Variants in PRELID2 observed in about 807,000 individuals in gnomAD.
PRELID2 encodes PRELI domain-containing protein 2.
Under a neutral mutation model 28.4 loss-of-function variants are expected in PRELID2, and 25 were observed. That is an observed-to-expected ratio of 0.88 (90% CI 0.64 to 1.23). The LOEUF (loss-of-function observed/expected upper bound fraction) is 1.23, where lower values mean the gene tolerates loss of function less well. Ranked by LOEUF, PRELID2 falls within the 50% of genes most tolerant of loss-of-function variation. The pLI is 0.00. For synonymous variants in PRELID2, 76 were observed against 71.6 expected (o/e 1.06, Z -0.31); for missense variants, 201 against 214.4 (o/e 0.94, Z 0.39).
chr5:145,328,823 T>C, the PRELID2 span, among the ~76,000 whole-genome samples: 6 of 152,216 alleles, frequency 3.9e-5, no homozygotes, highest in Admixed American at 1.3e-4. Flanking sequence ...CCATTGCTTT[T>C]AGTGTTTTAG....
the PRELID2 span, among the ~76,000 whole-genome samples, chr5:145,239,288 T>G: frequency 6.6e-6 from 1 of 152,008 alleles, no homozygotes; most frequent in African/African-American, 2.4e-5. Context: ...GGCAAAAGAA[T>G]GAGGAGTGGA....
At chr5:145,743,887 G>A (rs1187310588) in intron 1 of PRELID2, among the ~76,000 whole-genome samples, 1 of 152,216 alleles carries the variant, frequency 6.6e-6, no homozygotes, top group African/African-American at 2.4e-5. Context: ...GAGGAGCAGT[G>A]GCCAGCATTG....
the PRELID2 span, among the ~76,000 whole-genome samples, chr5:145,355,624 T>A: frequency 6.6e-6 from 1 of 152,094 alleles, no homozygotes; most frequent in African/African-American, 2.4e-5. Context: ...CTACCAAACA[T>A]CCTACCAAGG....
intron 2 of PRELID2, among the ~76,000 whole-genome samples, chr5:145,821,279 CTG>C (rs1187489127): frequency 6.9e-6 from 1 of 145,212 alleles, no homozygotes; most frequent in Non-Finnish European, 1.5e-5. Flanking sequence ...AAGCCCTCTT[CTG>C]TGTGTTTAAG....
the PRELID2 span, among the ~76,000 whole-genome samples, chr5:145,284,501 A>C: frequency 2.6e-5 from 4 of 151,984 alleles, no homozygotes; most frequent in African/African-American, 7.3e-5. Flanking sequence ...CAAACTCAAG[A>C]CTTTTTTTTT....
intron 1 of PRELID2, among the ~76,000 whole-genome samples, chr5:145,502,403 A>G (rs573291038): frequency 6.6e-6 from 1 of 152,276 alleles, no homozygotes; most frequent in South Asian, 2.1e-4. Flanking sequence ...ACGAGGGATT[A>G]CAATTGAATA....
chr5:145,687,924 G>A (rs1044712832), intron 1 of PRELID2, among the ~76,000 whole-genome samples: 12 of 152,188 alleles, frequency 7.9e-5, no homozygotes, highest in African/African-American at 2.7e-4. Context: ...TGAAACTAGA[G>A]GCAAAGCCAA....
intron 1 of PRELID2, among the ~76,000 whole-genome samples, chr5:145,566,438 G>A (rs1213627033): frequency 6.6e-6 from 1 of 151,860 alleles, no homozygotes; most frequent in East Asian, 1.9e-4. Flanking sequence ...CCTCTGAGAA[G>A]CAATAAAGAG....
intron 5 of PRELID2, among the ~76,000 whole-genome samples, chr5:145,787,724 A>G (rs754458417): frequency 1.2e-4 from 18 of 152,028 alleles, no homozygotes; most frequent in Non-Finnish European, 2.5e-4. Flanking sequence ...GGTTTTCTGT[A>G]GAGACGAGAT....
chr5:145,545,143 G>A (rs1379237028), intron 1 of PRELID2, among the ~76,000 whole-genome samples: 1 of 152,096 alleles, frequency 6.6e-6, no homozygotes, highest in African/African-American at 2.4e-5. Flanking sequence ...TTACCTTATA[G>A]GTGAGTATTT....
intron 1 of PRELID2, among the ~76,000 whole-genome samples, chr5:145,654,862 C>A (rs182559585): frequency 3.3e-5 from 5 of 152,268 alleles, no homozygotes; most frequent in African/African-American, 1.2e-4. Context: ...CCTCTCTCGC[C>A]ACTCCTATTC....
chr5:145,648,737 C>T (rs1169332574), intron 1 of PRELID2, among the ~76,000 whole-genome samples: 3 of 150,224 alleles, frequency 2.0e-5, no homozygotes, highest in Non-Finnish European at 4.4e-5. Flanking sequence ...AATACTTCTG[C>T]AATATCCTTT....
intron 3 of PRELID2, among the ~76,000 whole-genome samples, chr5:145,818,920 A>G (rs1348064350): frequency 1.3e-5 from 2 of 151,904 alleles, no homozygotes; most frequent in African/African-American, 2.4e-5. Context: ...TAATCCCCAC[A>G]TGTCATGGGA....
At chr5:145,601,481 G>A (rs1753396970) in intron 1 of PRELID2, among the ~76,000 whole-genome samples, 1 of 152,186 alleles carries the variant, frequency 6.6e-6, no homozygotes, top group South Asian at 2.1e-4. Context: ...GATAAGATTT[G>A]AAGTTTCTAC....
At position 145,518,782 on chromosome 5, in the gene PRELID2, G is replaced by C. The variant is rs113483662; in HGVS notation, n.71-45467C>G. 2.6e-5 allele frequency among the ~76,000 whole-genome samples: 4 copies of C among 152,284 alleles called. 1 individual carries two copies. The highest frequency in any genetic ancestry group is 9.6e-5 in the African/African-American group (4 of 41,552). On this transcript the variant is annotated intron_variant and non_coding_transcript_variant, in intron 1 of 2. Coordinates refer to the PRELID2 transcript ENST00000510259. ...TTTTTGGTGTCTCAACTCAGGGAAG[G>C]GGTTCCTATTGGCATCTAGCAGACA... is the stretch of plus-strand genomic sequence containing the variant.
At chr5:145,593,200 T>C (rs1753255793) in intron 1 of PRELID2, among the ~76,000 whole-genome samples, 2 of 152,200 alleles carry the variant, frequency 1.3e-5, no homozygotes, top group African/African-American at 4.8e-5. Flanking sequence ...CCTAGTCTTG[T>C]CTATTGAAAA....
At chr5:145,717,987 G>A (rs995593193) in intron 1 of PRELID2, among the ~76,000 whole-genome samples, 1 of 151,734 alleles carries the variant, frequency 6.6e-6, no homozygotes, top group Non-Finnish European at 1.5e-5. Flanking sequence ...AGCTACTGTC[G>A]ACTCTTAAAT....
chr5:145,738,753 C>T (rs1186004456), intron 1 of PRELID2, among the ~76,000 whole-genome samples: 1 of 152,138 alleles, frequency 6.6e-6, no homozygotes, highest in Non-Finnish European at 1.5e-5. Flanking sequence ...AAGGGTGAGG[C>T]TCTTTGAGTG....
chr5:145,625,032 C>T (rs1404914436), intron 1 of PRELID2, among the ~76,000 whole-genome samples: 2 of 152,156 alleles, frequency 1.3e-5, no homozygotes, highest in Non-Finnish European at 2.9e-5. Flanking sequence ...CCATTTTATA[C>T]TTATCAGAAA....
Sources: allele counts gnomAD v4.1 joint callset (sites outside exome capture counted in the v4.1 genomes callset), GRCh38; gene constraint gnomAD v4.1.1; transcripts MANE v1.5; gene names NCBI Gene and HGNC (gene_info 2026-07-23, HGNC 2026-07-21).